The following ANKRD36 variants were observed in gnomAD, a reference collection of about 807,000 sequenced individuals.
The protein encoded by ANKRD36 is ankyrin repeat domain-containing protein 36A.
A neutral mutation model predicts 278.1 loss-of-function variants in ANKRD36; 179 were observed. That is an observed-to-expected ratio of 0.64 (90% CI 0.57 to 0.73). The LOEUF (loss-of-function observed/expected upper bound fraction) is 0.73. Ranked by LOEUF, ANKRD36 falls within the 30% of genes least tolerant of loss-of-function variation. ANKRD36 has a pLI of 0.00. For missense variants in ANKRD36, 1,159 were observed against 1,956.7 expected (o/e 0.59, Z 7.69); for synonymous variants, 320 against 641.1 (o/e 0.50, Z 7.57).
intron 10 of ANKRD36, among the ~76,000 whole-genome samples, chr2:97,146,120 C>T (rs1215505150): frequency 1.3e-5 from 2 of 151,918 alleles, no homozygotes; most frequent in East Asian, 3.9e-4. Context: ...AGATGTGCAC[C>T]ACCAACCTGG....
chr2:97,209,547 A>T (rs2063793357), intron 54 of ANKRD36, 134 bp from the exon 55 acceptor site: 9 of 1,543,056 alleles, frequency 5.8e-6, no homozygotes, highest in Non-Finnish European at 7.0e-6. Flanking sequence ...TGATCCCCAG[A>T]CACAAAGTAG....
rs2063290489 is a variant in ANKRD36 at position 97,207,825 on chromosome 2, C to G, written c.3178C>G (p.Pro1060Ala). 1 of 1,546,728 alleles carries G rather than the reference C, an allele frequency of 6.5e-7. No individual in the cohort carries two copies. The highest frequency in any genetic ancestry group is 2.4e-5 in the East Asian group (1 of 40,996). The change falls in exon 53 of 76, where the codon CCA becomes GCA. Residue 1060 changes from proline to alanine, a missense_variant. Physicochemically the swap from Pro to Ala is conservative, Grantham distance 27. Transcript: ENST00000420699. ...EKSRTVSSEK[P>A]SGLKATSAEK... ...TTACTTTTCAGTGTCTTCTGAGAAA[C>G]CATCAGGCTTGAAGGTAATGAAACT...
chr2:97,175,251 G>A (rs545752661), intron 22 of ANKRD36, among the ~76,000 whole-genome samples: 57 of 148,268 alleles, frequency 3.8e-4, no homozygotes, highest in Middle Eastern at 3.4e-3. Flanking sequence ...GAATCCATCT[G>A]GTCCTGGACT....
At chr2:97,208,739 A>G (rs1255512973) in intron 54 of ANKRD36, among the ~76,000 whole-genome samples, 3 of 146,430 alleles carry the variant, frequency 2.0e-5, no homozygotes, top group Non-Finnish European at 4.5e-5. Context: ...AATGTGAATA[A>G]ATTTGCTTCC....
chr2:97,124,252 T>A (rs2037903077), intron 4 of ANKRD36, among the ~76,000 whole-genome samples: 1 of 151,906 alleles, frequency 6.6e-6, no homozygotes, highest in Non-Finnish European at 1.5e-5. Context: ...CCACCCACAG[T>A]AGGACAAGAG....
chr2:97,261,098 G>T (rs1445175887), intron 75 of ANKRD36, among the ~76,000 whole-genome samples: 2 of 123,878 alleles, frequency 1.6e-5, no homozygotes, highest in Non-Finnish European at 3.1e-5. Flanking sequence ...TATCATTTGT[G>T]CATTCACTGG....
chr2:97,120,548 GAACT>G (rs1382291605), intron 3 of ANKRD36, among the ~76,000 whole-genome samples: 5 of 150,738 alleles, frequency 3.3e-5, no homozygotes, highest in Admixed American at 6.6e-5. Flanking sequence ...GCAGTCTTAT[GAACT>G]AATTATCCAT....
intron 67 of ANKRD36, among the ~76,000 whole-genome samples, chr2:97,230,689 C>T (rs1200590079): frequency 6.6e-6 from 1 of 152,122 alleles, no homozygotes; most frequent in Non-Finnish European, 1.5e-5. Context: ...TGAGGAACTG[C>T]ATTCCTTTGG....
chr2:97,194,463 G>A (rs1414066540), intron 38 of ANKRD36, among the ~76,000 whole-genome samples: 1 of 151,492 alleles, frequency 6.6e-6, no homozygotes, highest in Non-Finnish European at 1.5e-5. Flanking sequence ...ATCCACATTG[G>A]GATTGACACG....
intron 42 of ANKRD36, among the ~76,000 whole-genome samples, chr2:97,197,055 G>A (rs1333278808): frequency 2.6e-5 from 4 of 151,920 alleles, no homozygotes; most frequent in African/African-American, 9.7e-5. Flanking sequence ...CTGGGGAACA[G>A]CATAGTTTTG....
rs2056388448 is a variant in ANKRD36, at chr2:97,182,092, A to T, written c.1837+299A>T. 1.3e-5 allele frequency among the ~76,000 whole-genome samples: 2 copies of T among 151,308 alleles called. 1 individual carries two copies. Among genetic ancestry groups the T allele is most frequent in the Admixed American group, 1.3e-4 (2 of 15,058 alleles). On this transcript the variant is annotated intron_variant, in intron 26 of 75. Coordinates refer to ENST00000420699, the MANE Select transcript of ANKRD36 (RefSeq NM_001354587.1). ...TTCTACAGCATGTTTTCACCAAGGG[A>T]GGAAGGAGAAAGAGATGAAGTATAG...
At chr2:97,176,778 G>A (rs951863815) in intron 22 of ANKRD36, among the ~76,000 whole-genome samples, 18 of 151,520 alleles carry the variant, frequency 1.2e-4, no homozygotes, top group East Asian at 2.0e-4. Flanking sequence ...TGTTCCTTTC[G>A]ATTTTTAGCG....
Position 97,194,982 on chromosome 2 carries a change from A to C in ANKRD36, c.2551+65A>C, listed in dbSNP as rs1032305827. ...GACAAGAAGTTCTCTTCCCCGAATAAATCAGTGGGGGGCTGGTCAAAGATG... is the reference window on the plus strand; with the variant it reads ...GACAAGAAGTTCTCTTCCCCGAATACATCAGTGGGGGGCTGGTCAAAGATG... On this transcript the variant is annotated intron_variant, in intron 40 of 75. Coordinates refer to ENST00000420699, the MANE Select transcript of ANKRD36 (RefSeq NM_001354587.1). 9 of 1,526,600 alleles carry C rather than the reference A, an allele frequency of 5.9e-6. No individual in the cohort carries two copies. The African/African-American group carries it at 9.7e-5, about 16-fold the overall frequency. 94.6% of individuals were successfully genotyped at this position (1,526,600 alleles called of 1,614,324 possible).
intron 52 of ANKRD36, among the ~76,000 whole-genome samples, chr2:97,206,871 T>C (rs1414419741): frequency 6.6e-6 from 1 of 151,458 alleles, no homozygotes; most frequent in Admixed American, 6.6e-5. Flanking sequence ...TCTGAATACA[T>C]TGGTTTCCTT....
At chr2:97,205,627 C>A (rs909453209) in intron 50 of ANKRD36, among the ~76,000 whole-genome samples, 32 of 151,480 alleles carry the variant, frequency 2.1e-4, no homozygotes, top group Non-Finnish European at 4.1e-4. Context: ...GTGAGTTGCT[C>A]CTCTGATTTT....
rs1271695919 is a variant in ANKRD36 at position 97,113,687 on chromosome 2, C to A, written c.-53C>A. On this transcript the variant is annotated 5_prime_UTR_variant, in exon 1 of 76. Transcript: ENST00000420699. ...GTTGTTGCTCTTCGGAGGCGGCGAT[C>A]CCCGAAGGCGAGCTGAAATACGGCT... 2 of 1,608,962 alleles carry A rather than the reference C, an allele frequency of 1.2e-6. No individual in the cohort carries two copies. The highest frequency in any genetic ancestry group is 1.3e-5 in the African/African-American group (1 of 74,856).
intron 15 of ANKRD36, among the ~76,000 whole-genome samples, chr2:97,156,703 C>A (rs1212223008): frequency 9.9e-5 from 14 of 140,768 alleles, no homozygotes; most frequent in Non-Finnish European, 2.0e-4. Flanking sequence ...GTCTTTATAG[C>A]AGCATGATTT....
rs370223632 is a variant in ANKRD36 at position 97,260,425 on chromosome 2, A to AAC, written c.*7-3885_*7-3884dup. Among the ~76,000 whole-genome samples the AAC allele has an allele frequency of 6.6e-3, 860 of 131,072 alleles. 15 individuals carry two copies. The highest frequency in any genetic ancestry group is 0.015 in the African/African-American group (539 of 36,218). 86.0% of individuals were successfully genotyped at this position (131,072 alleles called of 152,430 possible). On this transcript the variant is annotated intron_variant, in intron 75 of 75. Transcript: ENST00000420699. ...ACACATACACATATACACACACACA[A>AAC]ACACACACACACACACACACGTTTT...
intron 56 of ANKRD36, among the ~76,000 whole-genome samples, chr2:97,210,414 A>G (rs1213219907): frequency 6.6e-6 from 1 of 151,828 alleles, no homozygotes; most frequent in Non-Finnish European, 1.5e-5. Flanking sequence ...AACTCACTTC[A>G]GATGCATTTA....
Sources: gnomAD v4.1 joint callset for allele counts (sites outside exome capture counted in the v4.1 genomes callset) on GRCh38, gnomAD v4.1.1 for gene constraint, MANE v1.5 for transcripts, NCBI Gene and HGNC (gene_info 2026-07-23, HGNC 2026-07-21) for gene names.